The following PDE9A variants were observed in gnomAD, a reference collection of about 807,000 sequenced individuals.
PDE9A encodes high affinity cGMP-specific 3',5'-cyclic phosphodiesterase 9A.
PDE9A carries 60 observed loss-of-function variants against 87.4 expected under a neutral mutation model. The observed-to-expected ratio is 0.69, with a 90% confidence interval of 0.56 to 0.85. The LOEUF is 0.85. PDE9A is among the 40% of genes least tolerant of loss of function. The pLI is 0.00. For missense variants in PDE9A, 665 were observed against 779.0 expected, an observed-to-expected ratio of 0.85 and a Z score of 1.74; for synonymous variants, 272 against 279.4, an observed-to-expected ratio of 0.97 and a Z score of 0.27.
chr21:42,743,730 C>T (rs900173374), intron 7 of PDE9A, 46 bp from the exon 8 acceptor site: 13 of 1,247,746 alleles, frequency 1.0e-5, no homozygotes, highest in Admixed American at 5.8e-5. Context: ...AGATCCTCCA[C>T]ATTCGTCCGT....
At chr21:42,770,477 G>A (rs2056930549) in intron 17 of PDE9A, among the ~76,000 whole-genome samples, 1 of 152,124 alleles carries the variant, frequency 6.6e-6, no homozygotes, top group East Asian at 1.9e-4. Flanking sequence ...CGGGCACGGG[G>A]GACACAGGAG....
chr21:42,670,946 T>TG (rs2058530889), intron 1 of PDE9A, among the ~76,000 whole-genome samples: 1 of 145,062 alleles, frequency 6.9e-6, no homozygotes, highest in Non-Finnish European at 1.6e-5. Context: ...CCTGAACACA[T>TG]GTTATCTTTG....
At position 42,696,863 on chromosome 21, in the gene PDE9A, C is replaced by T. The variant is rs1326370794; in HGVS notation, c.219-2105C>T. Among the ~76,000 whole-genome samples, 3 of 152,168 alleles carry T rather than the reference C, an allele frequency of 2.0e-5. No homozygotes were observed. Among genetic ancestry groups the T allele is most frequent in the Non-Finnish European group, 4.4e-5 (3 of 68,020 alleles). ...TCAGGGGCTAGAGGGGCCCTAGTCC[C>T]GATGACGACCGAGTGCCCTCTCCAC... On this transcript the variant is annotated intron_variant, in intron 3 of 19. Coordinates refer to ENST00000291539, the MANE Select transcript of PDE9A (RefSeq NM_002606.3). The surrounding 1 kb of genome is among the most constrained non-coding windows in gnomAD (Gnocchi z 5.1).
rs2048432336 is a variant in PDE9A, at chr21:42,702,133, C to T, written c.262+3122C>T. 6.6e-6 allele frequency among the ~76,000 whole-genome samples: 1 copy of T among 152,130 alleles called. No homozygotes were observed. The highest frequency in any genetic ancestry group is 2.1e-4 in the South Asian group (1 of 4,832). On this transcript the variant is annotated intron_variant, in intron 4 of 19. Coordinates refer to ENST00000291539, the MANE Select transcript of PDE9A (RefSeq NM_002606.3). The surrounding 1 kb of genome is among the most constrained non-coding windows in gnomAD (Gnocchi z 4.9). Reference sequence around the variant, plus strand: ...GACAGCCTGAGAGCGTCCCCTGACTCACTCACACTGTTTCTTTCTTTCCAG... The same window carrying T: ...GACAGCCTGAGAGCGTCCCCTGACTTACTCACACTGTTTCTTTCTTTCCAG...
chr21:42,689,879 G>A, intron 3 of PDE9A: 3 of 959,318 alleles, frequency 3.1e-6, no homozygotes, highest in Non-Finnish European at 3.7e-6. Flanking sequence ...TGGAGAAGAT[G>A]GAGACACACG....
chr21:42,752,864 G>A (rs1451835065), intron 9 of PDE9A, among the ~76,000 whole-genome samples: 3 of 152,280 alleles, frequency 2.0e-5, no homozygotes, highest in East Asian at 1.9e-4. Flanking sequence ...CAGGGGCACC[G>A]GCCCCATCAG....
chr21:42,772,058 CAGTAGGGGAT>C (rs2057067154), intron 18 of PDE9A, among the ~76,000 whole-genome samples: 1 of 152,060 alleles, frequency 6.6e-6, no homozygotes, highest in South Asian at 2.1e-4. Flanking sequence ...CCCTGCTGCC[CAGTAGGGGAT>C]AGTAGGGTTC....
chr21:42,766,913 C>G (rs1044110194), intron 15 of PDE9A, among the ~76,000 whole-genome samples: 2 of 152,168 alleles, frequency 1.3e-5, no homozygotes, highest in Non-Finnish European at 2.9e-5. Context: ...GCCAGAGGAT[C>G]GGGTGCCAGG....
At chr21:42,706,054 C>T (rs1425926296) in intron 4 of PDE9A, among the ~76,000 whole-genome samples, 4 of 152,210 alleles carry the variant, frequency 2.6e-5, no homozygotes, top group African/African-American at 9.7e-5. Flanking sequence ...AGGAGGCCGG[C>T]GGCCGGCAGG....
intron 4 of PDE9A, among the ~76,000 whole-genome samples, chr21:42,724,073 C>A (rs894307803): frequency 6.6e-6 from 1 of 152,148 alleles, no homozygotes; most frequent in East Asian, 1.9e-4. Flanking sequence ...CAGAATCCAG[C>A]GGTTTCAGGC....
chr21:42,673,515 C>T (rs1004729511), intron 1 of PDE9A, among the ~76,000 whole-genome samples: 2 of 152,234 alleles, frequency 1.3e-5, no homozygotes, highest in East Asian at 1.9e-4. Context: ...AACCCTTTTC[C>T]TCACAGAATT....
chr21:42,707,290 C>A (rs556876106), intron 4 of PDE9A, among the ~76,000 whole-genome samples: 1 of 152,156 alleles, frequency 6.6e-6, no homozygotes, highest in Non-Finnish European at 1.5e-5. Context: ...TCCAGGAGGT[C>A]CCTGCAGCCT....
At chr21:42,721,689 G>A (rs2050543804) in intron 4 of PDE9A, among the ~76,000 whole-genome samples, 1 of 152,192 alleles carries the variant, frequency 6.6e-6, no homozygotes, top group Admixed American at 6.5e-5. Context: ...GAGAGCAAAA[G>A]TGGGACAGAA....
intron 15 of PDE9A, among the ~76,000 whole-genome samples, chr21:42,766,162 T>A (rs1459400108): frequency 6.6e-6 from 1 of 151,684 alleles, no homozygotes; most frequent in Non-Finnish European, 1.5e-5. Flanking sequence ...AGACTCCATC[T>A]CCACAAAAAA....
rs369524410 is a variant in PDE9A, at chr21:42,767,507, A to ATCCACCAAGCATCATGCAGAC, written c.1357-677_1357-657dup. Among the ~76,000 whole-genome samples the ATCCACCAAGCATCATGCAGAC allele has an allele frequency of 7.0e-3, 1,061 of 152,294 alleles. 10 individuals are homozygous for ATCCACCAAGCATCATGCAGAC. Among genetic ancestry groups the ATCCACCAAGCATCATGCAGAC allele is most frequent in the African/African-American group, 0.024 (1,010 of 41,560 alleles). Reference sequence around the variant, plus strand: ...GGTCCTGCCGAGGTTGGAAGGCAGGATCCACCAAGCATCATGCAGACTCCG... The same window carrying ATCCACCAAGCATCATGCAGAC: ...GGTCCTGCCGAGGTTGGAAGGCAGGATCCACCAAGCATCATGCAGACTCCACCAAGCATCATGCAGACTCCG... On this transcript the variant is annotated intron_variant, in intron 15 of 19. Coordinates refer to ENST00000291539, the MANE Select transcript of PDE9A (RefSeq NM_002606.3).
At chr21:42,689,553 A>C in intron 3 of PDE9A, 1 of 985,362 alleles carries the variant, frequency 1.0e-6, no homozygotes, top group East Asian at 1.1e-4. Context: ...CACCTTGTCC[A>C]TGCCAGCTGG....
intron 4 of PDE9A, among the ~76,000 whole-genome samples, chr21:42,719,278 AC>A (rs1246673069): frequency 2.0e-5 from 3 of 151,692 alleles, no homozygotes; most frequent in Non-Finnish European, 4.4e-5. Flanking sequence ...TCAACCTGGA[AC>A]TTTCTGCTTA....
At chr21:42,671,724 G>A (rs2058573299) in intron 1 of PDE9A, among the ~76,000 whole-genome samples, 1 of 152,122 alleles carries the variant, frequency 6.6e-6, no homozygotes, top group South Asian at 2.1e-4. Context: ...TATTTCTTGG[G>A]TAATAAGAAA....
intron 6 of PDE9A, among the ~76,000 whole-genome samples, chr21:42,732,704 C>T (rs1260411475): frequency 3.9e-5 from 6 of 152,290 alleles, no homozygotes; most frequent in African/African-American, 1.4e-4. Flanking sequence ...CACCTGAGGT[C>T]GGGAGTTCAA....
Sources: allele counts gnomAD v4.1 joint callset (sites outside exome capture counted in the v4.1 genomes callset), GRCh38; gene constraint gnomAD v4.1.1; non-coding constraint Gnocchi (gnomAD v3.1); transcripts MANE v1.5; gene names NCBI Gene and HGNC (gene_info 2026-07-23, HGNC 2026-07-21).